The following CAST variants were observed in gnomAD, a reference collection of about 807,000 sequenced individuals.
CAST encodes the protein MIR583 host.
In CAST, 76 loss-of-function variants were observed where a neutral mutation model predicts 119.6. That is an observed-to-expected ratio of 0.64 (90% CI 0.53 to 0.77). The LOEUF (loss-of-function observed/expected upper bound fraction) is 0.77. Among genes scored for constraint, CAST ranks in the 30% least tolerant of loss-of-function variants. The pLI, the probability that CAST is intolerant of heterozygous loss-of-function variation, is 0.00. For missense variants in CAST, 953 were observed against 946.5 expected, an observed-to-expected ratio of 1.01 and a Z score of -0.09; for synonymous variants, 319 against 331.6, an observed-to-expected ratio of 0.96 and a Z score of 0.41.
chr5:96,597,400 C>G (rs1000879191), intron 1 of CAST, among the ~76,000 whole-genome samples: 3 of 152,202 alleles, frequency 2.0e-5, no homozygotes, highest in East Asian at 1.9e-4. Context: ...AACCTTGCAG[C>G]TGGGACCCTG....
intron 3 of CAST, 40 bp downstream of exon 3, chr5:96,695,947 T>G: frequency 7.1e-7 from 1 of 1,412,450 alleles, no homozygotes; most frequent in Non-Finnish European, 9.9e-7. Flanking sequence ...CCTACTGTAT[T>G]CTACAGGGAT....
chr5:96,682,492 G>T (rs1210977627), intron 2 of CAST, among the ~76,000 whole-genome samples: 1 of 151,788 alleles, frequency 6.6e-6, no homozygotes, highest in Non-Finnish European at 1.5e-5. Flanking sequence ...TCCTATCAAG[G>T]ATGTACACTT....
chr5:96,397,614 A>C, the CAST span: 2 of 706,158 alleles, frequency 2.8e-6, no homozygotes, highest in Non-Finnish European at 4.9e-6. Context: ...AGAGACACTC[A>C]CAAGGAAAAA....
At chr5:95,984,531 C>G in the CAST span, among the ~76,000 whole-genome samples, 1 of 152,154 alleles carries the variant, frequency 6.6e-6, no homozygotes, top group African/African-American at 2.4e-5. Context: ...GGAAATAGCA[C>G]TGGTATTAAT....
At chr5:96,690,560 A>G (rs17086550) in intron 2 of CAST, among the ~76,000 whole-genome samples, 8,283 of 152,270 alleles carry the variant, frequency 0.054, 559 homozygotes, top group East Asian at 0.21. Flanking sequence ...TAATATTATG[A>G]GTTAATGGTA....
intron 1 of CAST, among the ~76,000 whole-genome samples, chr5:96,622,857 C>CTTTTTTTTTTTTTTTTTTT (rs5869727): frequency 3.1e-5 from 2 of 64,474 alleles, no homozygotes; most frequent in African/African-American, 7.2e-5. Context: ...TTATGGGACT[C>CTTTTTTTTTTTTTTTTTTT]TTTTTTTTTT....
the CAST span, among the ~76,000 whole-genome samples, chr5:96,419,850 G>A: frequency 1.4e-4 from 21 of 151,998 alleles, no homozygotes; most frequent in Admixed American, 6.6e-5. Context: ...CCTTTGTTTT[G>A]AGGAAGGTCT....
At chr5:96,628,155 A>G (rs1353813971) in intron 1 of CAST, among the ~76,000 whole-genome samples, 1 of 152,248 alleles carries the variant, frequency 6.6e-6, no homozygotes, top group Non-Finnish European at 1.5e-5. Flanking sequence ...ATCATTCACC[A>G]CACAAAGGCC....
chr5:95,991,421 G>C, the CAST span, among the ~76,000 whole-genome samples: 23 of 150,736 alleles, frequency 1.5e-4, no homozygotes, highest in Admixed American at 1.5e-3. Context: ...TAGTTAATGG[G>C]TACAAACATA....
the CAST span, among the ~76,000 whole-genome samples, chr5:96,456,894 C>T: frequency 2.6e-5 from 4 of 152,158 alleles, no homozygotes; most frequent in Admixed American, 1.3e-4. Flanking sequence ...TTATAAGGGG[C>T]TTTTGCCCCT....
chr5:96,517,700 A>G, the CAST span, among the ~76,000 whole-genome samples: 3 of 152,178 alleles, frequency 2.0e-5, no homozygotes, highest in Admixed American at 2.0e-4. Context: ...AGGGAGAACC[A>G]AGTTTAGAGG....
the CAST span, among the ~76,000 whole-genome samples, chr5:96,010,023 A>G: frequency 6.6e-6 from 1 of 152,160 alleles, no homozygotes; most frequent in South Asian, 2.1e-4. Flanking sequence ...CTAGCCAGTT[A>G]TCCCGGCACC....
At chr5:95,998,419 C>T in the CAST span, among the ~76,000 whole-genome samples, 2 of 152,006 alleles carry the variant, frequency 1.3e-5, no homozygotes, top group Non-Finnish European at 2.9e-5. Context: ...TGTCTTCATC[C>T]CACCTTTTGT....
At chr5:96,658,837 T>C (rs2150206263), upstream of CAST, among the ~76,000 whole-genome samples, 1 of 152,302 alleles carries the variant, frequency 6.6e-6, no homozygotes. Context: ...ATGCAGTCCA[T>C]AAGTGGCAGA....
the CAST span, among the ~76,000 whole-genome samples, chr5:96,277,614 C>T: frequency 2.6e-5 from 4 of 151,874 alleles, no homozygotes; most frequent in African/African-American, 4.8e-5. Context: ...GGGTGGGGAT[C>T]GGAGAAGCTG....
intron 12 of CAST, 32 bp downstream of exon 12, chr5:96,740,150 C>A: frequency 1.1e-6 from 1 of 932,596 alleles, no homozygotes; most frequent in Non-Finnish European, 1.7e-6. Flanking sequence ...TTTTATTTCA[C>A]TGTTTCCTCT....
At chr5:96,183,760 A>G in the CAST span, among the ~76,000 whole-genome samples, 1 of 152,168 alleles carries the variant, frequency 6.6e-6, no homozygotes, top group South Asian at 2.1e-4. Flanking sequence ...AATGGGACAT[A>G]TTGAATAATT....
At chr5:96,385,139 C>A in the CAST span, among the ~76,000 whole-genome samples, 1 of 152,164 alleles carries the variant, frequency 6.6e-6, no homozygotes, top group East Asian at 1.9e-4. Context: ...TGGGGATGAG[C>A]CACACATGAG....
At chr5:96,183,642 C>T in the CAST span, among the ~76,000 whole-genome samples, 2 of 152,032 alleles carry the variant, frequency 1.3e-5, no homozygotes, top group African/African-American at 4.8e-5. Flanking sequence ...TCGGGACTTG[C>T]ATTCAAAAAC....
Sources: gnomAD v4.1 joint callset for allele counts (sites outside exome capture counted in the v4.1 genomes callset) on GRCh38, gnomAD v4.1.1 for gene constraint, MANE v1.5 for transcripts, NCBI Gene and HGNC (gene_info 2026-07-23, HGNC 2026-07-21) for gene names.